Variants in MYO1D observed in about 807,000 individuals in gnomAD.
The protein encoded by MYO1D is myosin ID.
In MYO1D, 83 loss-of-function variants were observed where a neutral mutation model predicts 122.0. The ratio of observed to expected loss-of-function variants is 0.68; its 90% CI spans 0.57 to 0.82. The LOEUF is 0.82. Among genes scored for constraint, MYO1D ranks in the 40% least tolerant of loss-of-function variants. The pLI, the probability that MYO1D is intolerant of heterozygous loss-of-function variation, is 0.00. For missense variants in MYO1D, 1,157 were observed against 1,269.5 expected (o/e 0.91, Z 1.35); for synonymous variants, 464 against 446.9 (o/e 1.04, Z -0.48).
intron 16 of MYO1D, among the ~76,000 whole-genome samples, chr17:32,704,074 G>C (rs989000252): frequency 1.3e-4 from 20 of 152,156 alleles, no homozygotes; most frequent in African/African-American, 4.6e-4. Flanking sequence ...ATAGTTTACT[G>C]ATTTCTTAGC....
chr17:32,697,583 G>T (rs180935632), intron 16 of MYO1D, among the ~76,000 whole-genome samples: 1 of 151,362 alleles, frequency 6.6e-6, no homozygotes, highest in Admixed American at 6.6e-5. Context: ...GCCATAGCTC[G>T]AAAGTCACTT....
chr17:32,550,181 C>A (rs2086999246), intron 21 of MYO1D, among the ~76,000 whole-genome samples: 1 of 151,486 alleles, frequency 6.6e-6, no homozygotes, highest in Non-Finnish European at 1.5e-5. Context: ...CTCACTGCAA[C>A]CCCTGCCTTG....
At chr17:32,514,020 G>C (rs964098628) in intron 21 of MYO1D, among the ~76,000 whole-genome samples, 2 of 151,754 alleles carry the variant, frequency 1.3e-5, no homozygotes, top group African/African-American at 4.8e-5. Flanking sequence ...GAGGCGGGTA[G>C]ATCATGAGGT....
chr17:32,625,499 C>G (rs757236424), intron 20 of MYO1D, among the ~76,000 whole-genome samples: 2 of 152,048 alleles, frequency 1.3e-5, no homozygotes, highest in Non-Finnish European at 1.5e-5. Context: ...TAAGAAACAC[C>G]TGGCATGACA....
intron 1 of MYO1D, among the ~76,000 whole-genome samples, chr17:32,836,516 C>T (rs1408005480): frequency 5.3e-5 from 8 of 152,128 alleles, no homozygotes; most frequent in Non-Finnish European, 8.8e-5. Context: ...CCTTCTATGA[C>T]GATCAGTCAC....
intron 21 of MYO1D, among the ~76,000 whole-genome samples, chr17:32,543,718 A>G (rs1910926315): frequency 6.6e-6 from 1 of 152,184 alleles, no homozygotes; most frequent in Non-Finnish European, 1.5e-5. Flanking sequence ...TGTGCCTAGC[A>G]CAGATCTTGT....
intron 8 of MYO1D, among the ~76,000 whole-genome samples, 175 bp from the exon 9 acceptor site, chr17:32,760,802 G>A (rs1010710562): frequency 1.3e-5 from 2 of 152,142 alleles, no homozygotes; most frequent in African/African-American, 4.8e-5. Flanking sequence ...CAAACTACCT[G>A]ATGTATGCAA....
rs141720319 is a variant in MYO1D, at chr17:32,793,720, G to A, written c.96-12936C>T. The stretch of plus-strand genomic sequence containing the variant: ...ATGGGTATTCCCAGGCCCATCGATA[G>A]CAGAGGAAAGGGTGTATTGATTAAG... On this transcript the variant is annotated intron_variant, in intron 1 of 21. Coordinates refer to ENST00000318217, the MANE Select transcript of MYO1D (RefSeq NM_015194.3). Among the ~76,000 whole-genome samples the A allele has an allele frequency of 6.3e-3, 967 of 152,332 alleles. 15 individuals carry two copies. Among genetic ancestry groups the A allele is most frequent in the African/African-American group, 0.022 (921 of 41,562 alleles).
intron 21 of MYO1D, among the ~76,000 whole-genome samples, chr17:32,569,225 T>C (rs575117333): frequency 1.3e-5 from 2 of 152,364 alleles, no homozygotes; most frequent in East Asian, 3.9e-4. Context: ...AAGTAATATA[T>C]GAGCAATCTA....
chr17:32,617,903 A>G (rs1453310999), intron 20 of MYO1D, among the ~76,000 whole-genome samples: 1 of 152,252 alleles, frequency 6.6e-6, no homozygotes, highest in Non-Finnish European at 1.5e-5. Context: ...TTATTTTAAC[A>G]CATCAGATAA....
At chr17:32,790,741 C>A (rs1190243347) in intron 1 of MYO1D, among the ~76,000 whole-genome samples, 1 of 152,236 alleles carries the variant, frequency 6.6e-6, no homozygotes, top group East Asian at 1.9e-4. Context: ...TTGGAAGAAT[C>A]AGTACAAACT....
intron 21 of MYO1D, among the ~76,000 whole-genome samples, chr17:32,570,164 C>T (rs551086899): frequency 1.2e-4 from 18 of 152,256 alleles, no homozygotes; most frequent in Middle Eastern, 3.4e-3. Flanking sequence ...CAGAGTCTCA[C>T]GATGCCTCAC....
chr17:32,846,056 T>C (rs116675445), intron 1 of MYO1D, among the ~76,000 whole-genome samples: 2,167 of 152,002 alleles, frequency 0.014, 43 homozygotes, highest in African/African-American at 0.049. Context: ...ACTCTGAGGG[T>C]TGCCTACTTA....
chr17:32,647,488 G>T (rs2088311842), intron 19 of MYO1D, among the ~76,000 whole-genome samples: 1 of 152,134 alleles, frequency 6.6e-6, no homozygotes, highest in Non-Finnish European at 1.5e-5. Flanking sequence ...GTCATTGCTG[G>T]AAAGATAGAG....
intron 20 of MYO1D, among the ~76,000 whole-genome samples, chr17:32,628,508 A>AG (rs2087957687): frequency 6.6e-6 from 1 of 152,192 alleles, no homozygotes; most frequent in Non-Finnish European, 1.5e-5. Context: ...CTAATGGAAG[A>AG]GGGGGAAAAA....
In MYO1D at chr17:32,876,911, T is replaced by G; in HGVS notation, c.-39A>C. 7.4e-7 allele frequency: 1 copy of G among 1,347,788 alleles called. No homozygotes were observed. The highest frequency in any genetic ancestry group is 9.9e-7 in the Non-Finnish European group (1 of 1,012,258). 83.5% of individuals were successfully genotyped at this position (1,347,788 alleles called of 1,614,324 possible). On this transcript the variant is annotated 5_prime_UTR_variant, in exon 1 of 22. Coordinates refer to ENST00000318217, the MANE Select transcript of MYO1D (RefSeq NM_015194.3). ...GGGCTCAGGTGGGCGCGCTCGGGCC[T>G]CCGGGGCCGCTCCGTGGGCCCGCGA... is the stretch of plus-strand genomic sequence containing the variant.
At chr17:32,787,874 A>G (rs989757171) in intron 1 of MYO1D, among the ~76,000 whole-genome samples, 3 of 152,194 alleles carry the variant, frequency 2.0e-5, no homozygotes, top group African/African-American at 7.2e-5. Context: ...GAGTTACTTC[A>G]CTTAGAATAA....
rs1398667720 is a variant in MYO1D at position 32,682,010 on chromosome 17, CTTCT to C, written c.2122-22676_2122-22673del. Among the ~76,000 whole-genome samples, 5 of 104,616 alleles carry C rather than the reference CTTCT, an allele frequency of 4.8e-5. No homozygotes were observed. In the East Asian group the frequency reaches 8.0e-4, roughly 17 times the overall value. 68.6% of individuals were successfully genotyped at this position (104,616 alleles called of 152,430 possible). A position where few individuals can be genotyped will look rare whatever the true frequency, so the allele number is the denominator to read the frequency against. ...GATCCCTTTACCATTATGTAATGGCCTTCTTTGTCTCTTTTGATCTTTGTTGGTT... is the reference window on the plus strand; with the variant it reads ...GATCCCTTTACCATTATGTAATGGCCTTGTCTCTTTTGATCTTTGTTGGTT... On this transcript the variant is annotated intron_variant, in intron 16 of 21. Coordinates refer to ENST00000318217, the MANE Select transcript of MYO1D (RefSeq NM_015194.3).
In MYO1D at chr17:32,764,823, C is replaced by G. The variant is rs2090038274; in HGVS notation, c.1035+55G>C. On this transcript the variant is annotated intron_variant, in intron 8 of 21. Coordinates refer to ENST00000318217, the MANE Select transcript of MYO1D (RefSeq NM_015194.3). ...CTGAATACATGCTCACAGGATTTCA[C>G]TCAATTTGCAACTGCGATCAACACC... The G allele has an allele frequency of 5.7e-6, 9 of 1,567,772 alleles. No homozygotes were observed. In the Admixed American group the frequency reaches 1.5e-4, roughly 26 times the overall value.
Sources: gnomAD v4.1 joint callset for allele counts (sites outside exome capture counted in the v4.1 genomes callset) on GRCh38, gnomAD v4.1.1 for gene constraint, MANE v1.5 for transcripts, NCBI Gene and HGNC (gene_info 2026-07-23, HGNC 2026-07-21) for gene names.